P2RX7: variants seen among roughly 807,000 people sequenced by gnomAD.
P2RX7 encodes the protein purinergic receptor P2X 7.
A neutral mutation model predicts 71.6 loss-of-function variants in P2RX7; 62 were observed. The observed-to-expected ratio is 0.87, with a 90% CI of 0.71 to 1.07. The LOEUF (loss-of-function observed/expected upper bound fraction) is 1.07, where lower values mean the gene tolerates loss of function less well. Ranked by LOEUF, P2RX7 falls within the 50% of genes least tolerant of loss-of-function variation. The pLI, the probability that P2RX7 is intolerant of heterozygous loss-of-function variation, is 0.00. For missense variants in P2RX7, 686 were observed against 748.5 expected (o/e 0.92, Z 0.97); for synonymous variants, 299 against 283.3 (o/e 1.06, Z -0.56).
chr12:121,172,429 A>G lies in P2RX7; in HGVS notation c.882-2959A>G, dbSNP rs568442049. Among the ~76,000 whole-genome samples, 3 of 152,340 alleles carry G rather than the reference A, an allele frequency of 2.0e-5. No individual in the cohort carries two copies. The East Asian group carries it at 5.8e-4, about 29-fold the overall frequency. ...TGCATCACTTGAGCTCAGGAGTTCAAGCCAGCCTGGGCAACACAGTGAGAC... is the reference window on the plus strand; with the variant it reads ...TGCATCACTTGAGCTCAGGAGTTCAGGCCAGCCTGGGCAACACAGTGAGAC... On this transcript the variant is annotated intron_variant, in intron 8 of 12. Coordinates refer to ENST00000328963, the MANE Select transcript of P2RX7 (RefSeq NM_002562.6).
chr12:121,145,387 A>C (rs1329136149), intron 1 of P2RX7, among the ~76,000 whole-genome samples: 1 of 152,180 alleles, frequency 6.6e-6, no homozygotes, highest in East Asian at 1.9e-4. Flanking sequence ...ATTGTTGTTT[A>C]CTTGGCAAGA....
chr12:121,156,105 CT>C lies in P2RX7; in HGVS notation c.324del (p.Leu109SerfsTer45). ...GGAACTCTTTCTTCGTGATGACAAA[CT>C]TTCTCAAAACAGAAGGCCAAGAGCA... is the stretch of plus-strand genomic sequence containing the variant. ...QGNSFFVMTN[F>X]LKTEGQEQRL... On this transcript the variant is annotated frameshift_variant, in exon 3 of 13. Transcript: ENST00000328963. LOFTEE classifies it high-confidence loss of function. 3.1e-6 allele frequency: 5 copies of C among 1,614,198 alleles called. No homozygotes were observed. The highest frequency in any genetic ancestry group is 4.2e-6 in the Non-Finnish European group (5 of 1,180,020).
intron 1 of P2RX7, among the ~76,000 whole-genome samples, chr12:121,135,225 G>C (rs1873299150): frequency 6.6e-6 from 1 of 152,040 alleles, no homozygotes. Flanking sequence ...TGTAATCCCA[G>C]CTACTAGGGA....
intron 8 of P2RX7, 78 bp from the exon 9 acceptor site, chr12:121,175,310 C>CAAAAAAAAAAAAAAA (rs370710698): frequency 1.0e-4 from 47 of 468,388 alleles, no homozygotes; most frequent in African/African-American, 4.7e-4. Flanking sequence ...GACCCTGTCT[C>CAAAAAAAAAAAAAAA]AAAAAAAAAA....
intron 8 of P2RX7, among the ~76,000 whole-genome samples, chr12:121,172,010 C>T (rs1718137): frequency 0.36 from 54,068 of 151,596 alleles, 9,987 homozygotes; most frequent in Non-Finnish European, 0.4. Context: ...TACAGGTGCC[C>T]GCCACCACAC....
intron 11 of P2RX7, 73 bp from the exon 12 acceptor site, chr12:121,180,281 A>C: frequency 1.3e-6 from 1 of 746,054 alleles, no homozygotes; most frequent in Non-Finnish European, 2.2e-6. Context: ...TAGGAATTAC[A>C]GTTGCCTTTA....
At position 121,138,644 on chromosome 12, in the gene P2RX7, G is replaced by A. The variant is rs144700257; in HGVS notation, c.125+5549G>A. 2.4e-3 allele frequency among the ~76,000 whole-genome samples: 370 copies of A among 152,356 alleles called. 1 individual carries two copies. The highest frequency in any genetic ancestry group is 0.014 in the Middle Eastern group (4 of 294). On this transcript the variant is annotated intron_variant, in intron 1 of 12. Transcript: ENST00000328963. ...GGAGGGTAGGCAGACAAAAATCGGT[G>A]ATCTATTACAAGGTCTTTCCAAAAG...
chr12:121,138,945 C>A (rs1874267062), intron 1 of P2RX7, among the ~76,000 whole-genome samples: 1 of 152,146 alleles, frequency 6.6e-6, no homozygotes, highest in African/African-American at 2.4e-5. Context: ...TTGGAGAATT[C>A]TTTTTTATTT....
At chr12:121,162,709 G>A (rs541696103) in intron 5 of P2RX7, among the ~76,000 whole-genome samples, 189 bp downstream of exon 5, 37 of 152,190 alleles carry the variant, frequency 2.4e-4, no homozygotes, top group African/African-American at 8.0e-4. Flanking sequence ...CATGGTGGTT[G>A]GTAAACTGTT....
At chr12:121,166,319 C>A in intron 7 of P2RX7, 132 bp downstream of exon 7, 2 of 957,894 alleles carry the variant, frequency 2.1e-6, no homozygotes, top group Non-Finnish European at 3.2e-6. Flanking sequence ...TAAATCCACC[C>A]GCTACGCTAA....
chr12:121,148,936 A>C (rs1876835207), intron 1 of P2RX7: 1 of 404,818 alleles, frequency 2.5e-6, no homozygotes, highest in Admixed American at 3.0e-5. Flanking sequence ...CTTAGGTGTG[A>C]GCTAAGAGAT....
At chr12:121,161,365 G>GT (rs1477550150) in intron 4 of P2RX7, among the ~76,000 whole-genome samples, 1 of 151,860 alleles carries the variant, frequency 6.6e-6, no homozygotes, top group East Asian at 1.9e-4. Context: ...AATTTTTTTT[G>GT]TTTTTTATTT....
chr12:121,182,146 GA>G (rs1341788925), intron 12 of P2RX7, among the ~76,000 whole-genome samples: 1 of 151,036 alleles, frequency 6.6e-6, no homozygotes, highest in African/African-American at 2.4e-5. Context: ...GAATTGTACT[GA>G]TTGATTTTCA....
In P2RX7 at chr12:121,140,756, C is replaced by CT. The variant is rs537296546; in HGVS notation, c.125+7662dup. ...ACTGCACCCTCGCCTGGGTGACAGA[C>CT]TGAGAACCTGTCTTAAAATATATAT... On this transcript the variant is annotated intron_variant, in intron 1 of 12. Transcript: ENST00000328963. Among the ~76,000 whole-genome samples, 634 of 152,038 alleles carry CT rather than the reference C, an allele frequency of 4.2e-3. 6 individuals carry two copies. The highest frequency in any genetic ancestry group is 0.015 in the African/African-American group (617 of 41,472).
In P2RX7 at chr12:121,138,783, C is replaced by T. The variant is rs375299566; in HGVS notation, c.125+5688C>T. The stretch of plus-strand genomic sequence containing the variant: ...CTGACCCCCTATTCTTACCTCGGCC[C>T]CTTCCTGAGTCCCACCAGGAGCCCT... On this transcript the variant is annotated intron_variant, in intron 1 of 12. Transcript: ENST00000328963. Among the ~76,000 whole-genome samples, 45 of 152,328 alleles carry T rather than the reference C, an allele frequency of 3.0e-4. No homozygotes were observed. In the East Asian group the frequency reaches 5.6e-3, roughly 19 times the overall value.
chr12:121,133,120 A>G lies in P2RX7; in HGVS notation c.125+25A>G, dbSNP rs773639680. 21 of 1,613,664 alleles carry G rather than the reference A, an allele frequency of 1.3e-5. No homozygotes were observed. The South Asian group carries it at 1.4e-4, about 11-fold the overall frequency. On this transcript the variant is annotated intron_variant, in intron 1 of 12. Transcript: ENST00000328963. ...GGTAAGTGGGATCTGGGGAGGACCC[A>G]GATCTCTGCAGTGGCCGACAGCACA...
chr12:121,168,121 C>CAT (rs138650166), intron 8 of P2RX7, among the ~76,000 whole-genome samples: 6,535 of 150,856 alleles, frequency 0.043, 242 homozygotes, highest in East Asian at 0.16. Flanking sequence ...GAGATAATAG[C>CAT]ATATATATAT....
At chr12:121,162,303 T>C in intron 4 of P2RX7, 121 bp from the exon 5 acceptor site, 1 of 1,467,586 alleles carries the variant, frequency 6.8e-7, no homozygotes, top group Non-Finnish European at 9.0e-7. Flanking sequence ...GCTGCGTGGG[T>C]TGGAAAGCCT....
rs544359042 is a variant in P2RX7 at position 121,165,273 on chromosome 12, A to G, written c.534-84A>G. 108 of 1,016,908 alleles carry G rather than the reference A, an allele frequency of 1.1e-4. 2 individuals carry two copies. The East Asian group carries it at 2.4e-3, about 22-fold the overall frequency. 63.0% of individuals were successfully genotyped at this position (1,016,908 alleles called of 1,614,324 possible). ...TGTATCCCAAAGACCAAGCCAAGAA[A>G]CCAGAAGCCTCTGGTCCCACTGGCC... On this transcript the variant is annotated intron_variant, in intron 5 of 12. Coordinates refer to ENST00000328963, the MANE Select transcript of P2RX7 (RefSeq NM_002562.6).
Sources: gnomAD v4.1 joint callset for allele counts (sites outside exome capture counted in the v4.1 genomes callset) on GRCh38, gnomAD v4.1.1 for gene constraint, MANE v1.5 for transcripts, NCBI Gene and HGNC (gene_info 2026-07-23, HGNC 2026-07-21) for gene names.